Variants in FOCAD observed in about 807,000 individuals in gnomAD.
FOCAD encodes KIAA1797.
FOCAD carries 198 observed loss-of-function variants against 225.6 expected under a neutral mutation model. The observed-to-expected ratio is 0.88, with a 90% CI of 0.78 to 0.99. FOCAD has a LOEUF of 0.99. Among genes scored for constraint, FOCAD ranks in the 50% least tolerant of loss-of-function variants. The pLI, the probability that FOCAD is intolerant of heterozygous loss-of-function variation, is 0.00. For missense variants in FOCAD, 2,713 were observed against 2,123.6 expected (o/e 1.28, Z -5.46); for synonymous variants, 897 against 755.0 (o/e 1.19, Z -3.08).
chr9:20,726,697 C>A (rs983057453), intron 4 of FOCAD, among the ~76,000 whole-genome samples: 1 of 152,092 alleles, frequency 6.6e-6, no homozygotes, highest in African/African-American at 2.4e-5. Context: ...AAAAATGATT[C>A]TGAGAATCAT....
At chr9:20,822,423 A>G (rs577142670) in intron 14 of FOCAD, among the ~76,000 whole-genome samples, 3 of 152,048 alleles carry the variant, frequency 2.0e-5, no homozygotes, top group African/African-American at 7.2e-5. Context: ...ATATATGTGG[A>G]TTAGAAAGGA....
chr9:20,776,210 G>A (rs993036192), intron 8 of FOCAD, among the ~76,000 whole-genome samples: 2 of 152,208 alleles, frequency 1.3e-5, no homozygotes, highest in African/African-American at 4.8e-5. Flanking sequence ...TATCTATGGG[G>A]TATTGTTGCC....
At chr9:20,880,204 C>A (rs1355630171) in intron 19 of FOCAD, among the ~76,000 whole-genome samples, 1 of 152,038 alleles carries the variant, frequency 6.6e-6, no homozygotes, top group East Asian at 1.9e-4. Context: ...TAATAAAGAA[C>A]CTATTTACAG....
At chr9:20,956,496 T>C (rs4977850) in intron 35 of FOCAD, among the ~76,000 whole-genome samples, 141,714 of 152,200 alleles carry the variant, frequency 0.93, 66,348 homozygotes, top group East Asian at 1. Flanking sequence ...TGTCCTCCTA[T>C]ATGTATGTGT....
intron 43 of FOCAD, 71 bp downstream of exon 43, chr9:20,993,399 T>G: frequency 7.8e-7 from 1 of 1,281,692 alleles, no homozygotes; most frequent in Non-Finnish European, 1.1e-6. Flanking sequence ...CAGAATGGCA[T>G]TCTAGTGGTT....
intron 25 of FOCAD, among the ~76,000 whole-genome samples, chr9:20,925,252 A>C (rs1403236953): frequency 1.3e-5 from 2 of 152,222 alleles, no homozygotes; most frequent in African/African-American, 2.4e-5. Flanking sequence ...AACATGCTGC[A>C]TAGATCTACA....
chr9:20,717,664 T>C (rs1349564465), intron 2 of FOCAD, 130 bp from the exon 3 acceptor site: 1 of 664,064 alleles, frequency 1.5e-6, no homozygotes, highest in Non-Finnish European at 2.6e-6. Flanking sequence ...GCCTTCTACA[T>C]AGCACACACT....
intron 28 of FOCAD, among the ~76,000 whole-genome samples, chr9:20,936,030 G>A (rs753284867): frequency 3.9e-5 from 6 of 152,184 alleles, no homozygotes; most frequent in African/African-American, 7.2e-5. Context: ...GTTAGTCTGT[G>A]TGACTTGTGT....
At chr9:20,698,042 C>A (rs1192728604) in intron 1 of FOCAD, among the ~76,000 whole-genome samples, 1 of 152,224 alleles carries the variant, frequency 6.6e-6, no homozygotes, top group Non-Finnish European at 1.5e-5. Context: ...TTGGCGTGTG[C>A]TGTGGTGAAA....
intron 18 of FOCAD, chr9:20,874,352 T>C (rs1830049396): frequency 5.1e-6 from 1 of 194,930 alleles, no homozygotes; most frequent in African/African-American, 2.4e-5. Flanking sequence ...AGTATGTCAG[T>C]GTTTGCATTT....
intron 4 of FOCAD, among the ~76,000 whole-genome samples, chr9:20,723,500 G>A (rs1825953334): frequency 6.6e-6 from 1 of 152,166 alleles, no homozygotes; most frequent in South Asian, 2.1e-4. Flanking sequence ...TCTCAAAAGA[G>A]AAAAGTAGTG....
intron 18 of FOCAD, among the ~76,000 whole-genome samples, chr9:20,870,271 C>T (rs1829646582): frequency 6.6e-6 from 1 of 152,156 alleles, no homozygotes; most frequent in South Asian, 2.1e-4. Context: ...AAGTGAATGT[C>T]ACTGCATTCA....
chr9:20,806,961 T>C (rs1822526804), intron 11 of FOCAD, among the ~76,000 whole-genome samples: 1 of 152,318 alleles, frequency 6.6e-6, no homozygotes, highest in South Asian at 2.1e-4. Context: ...ATTGAATTGG[T>C]TTATTTCTTG....
At chr9:20,773,198 A>G (rs905782475) in intron 8 of FOCAD, among the ~76,000 whole-genome samples, 2 of 152,124 alleles carry the variant, frequency 1.3e-5, no homozygotes, top group African/African-American at 4.8e-5. Context: ...TTTATTGTGT[A>G]TTTCCCCCCA....
chr9:20,665,621 C>T (rs1446789549), intron 2 of FOCAD, among the ~76,000 whole-genome samples: 1 of 152,126 alleles, frequency 6.6e-6, no homozygotes, highest in Non-Finnish European at 1.5e-5. Flanking sequence ...AGTGTGACAG[C>T]ACAAGCCTAA....
Position 20,929,501 on chromosome 9 carries a change from T to G in FOCAD, c.3222T>G (p.Pro1074=), listed in dbSNP as rs760457432. 6.2e-7 allele frequency: 1 copy of G among 1,614,146 alleles called. No homozygotes were observed. The highest frequency in any genetic ancestry group is 8.5e-7 in the Non-Finnish European group (1 of 1,180,016). Residue 1074 remains proline, a synonymous_variant, in exon 27 of 44, where the codon CCT becomes CCG. Transcript: ENST00000338382. ...TGAACATGCTGACTGCCAGGTTACC[T>G]GGGAAACCAAGTGCTGATGAGTCTC... is the stretch of plus-strand genomic sequence containing the variant. ...EILNMLTARL[P]GKPSADESQA...
At chr9:20,740,165 AT>A in intron 4 of FOCAD, 70 bp from the exon 5 acceptor site, 1 of 978,892 alleles carries the variant, frequency 1.0e-6, no homozygotes, top group African/African-American at 1.6e-5. Flanking sequence ...TTTTAAAATG[AT>A]AGGATTAAGC....
chr9:20,856,064 A>G (rs898571436), intron 15 of FOCAD, among the ~76,000 whole-genome samples: 12 of 151,828 alleles, frequency 7.9e-5, no homozygotes, highest in Non-Finnish European at 1.0e-4. Context: ...GAATGCAGAT[A>G]TCTCTTTGAT....
rs543408963 is a variant in FOCAD at position 20,936,905 on chromosome 9, A to C, written c.3407+3802A>C. 6.0e-3 allele frequency among the ~76,000 whole-genome samples: 915 copies of C among 152,330 alleles called. 7 individuals carry two copies. The highest frequency in any genetic ancestry group is 0.031 in the Middle Eastern group (9 of 294). On this transcript the variant is annotated intron_variant, in intron 28 of 43. Coordinates refer to ENST00000338382, the MANE Select transcript of FOCAD (RefSeq NM_001375567.1). ...TCTCAGAATACAAAATCAATGTGCA[A>C]AAATCACAAACATTTTTATACATCA... is the stretch of plus-strand genomic sequence containing the variant.
Sources: gnomAD v4.1 joint callset for allele counts (sites outside exome capture counted in the v4.1 genomes callset) on GRCh38, gnomAD v4.1.1 for gene constraint, MANE v1.5 for transcripts, NCBI Gene and HGNC (gene_info 2026-07-23, HGNC 2026-07-21) for gene names.